MACF1: variants seen among roughly 807,000 people sequenced by gnomAD.
The protein encoded by MACF1 is microtubule-actin cross-linking factor 1.
A neutral mutation model predicts 854.8 loss-of-function variants in MACF1; 193 were observed. The observed-to-expected ratio is 0.23, with a 90% CI of 0.20 to 0.25. The LOEUF (loss-of-function observed/expected upper bound fraction) is 0.25. Ranked by LOEUF, MACF1 falls within the 10% of genes least tolerant of loss-of-function variation. The pLI, the probability that MACF1 is intolerant of heterozygous loss-of-function variation, is 1.00. For synonymous variants in MACF1, 3,185 were observed against 3,226.7 expected (o/e 0.99, Z 0.44); for missense variants, 7,722 against 8,929.1 (o/e 0.86, Z 5.45).
intron 2 of MACF1, 26 bp from the exon 3 acceptor site, chr1:39,249,988 T>C: frequency 7.4e-7 from 1 of 1,358,122 alleles, no homozygotes; most frequent in South Asian, 1.2e-5. Context: ...CAAATAAAAA[T>C]CTGTCTGTTT....
In MACF1 at chr1:39,287,508, T is replaced by C. The variant is rs761344160; in HGVS notation, c.1731T>C (p.Asp577=). The change falls in exon 15 of 101, where the codon GAT becomes GAC. Residue 577 remains aspartate (D), a synonymous_variant. Coordinates refer to ENST00000564288, the MANE Select transcript of MACF1 (RefSeq NM_001394062.1). ...AELVAISSSE[D]EGNLRFVYEL... ...TTGTGGCCATCAGCTCCTCTGAAGA[T>C]GAAGGCAATCTCCGATTTGTGTATG... is the stretch of plus-strand genomic sequence containing the variant. 6.2e-7 allele frequency: 1 copy of C among 1,614,206 alleles called. No homozygotes were observed. Among genetic ancestry groups the C allele is most frequent in the Admixed American group, 1.7e-5 (1 of 60,026 alleles).
At chr1:39,290,719 G>A (rs1645761660) in intron 15 of MACF1, among the ~76,000 whole-genome samples, 2 of 136,916 alleles carry the variant, frequency 1.5e-5, no homozygotes, top group East Asian at 4.6e-4. Flanking sequence ...CCAAACTGGA[G>A]TGCAATGGCA....
chr1:39,465,158 G>A (rs1223796492), intron 95 of MACF1, 46 bp downstream of exon 95: 1 of 1,588,384 alleles, frequency 6.3e-7, no homozygotes, highest in Admixed American at 1.7e-5. Context: ...GATATGGTCT[G>A]TGTAGCTAAT....
intron 84 of MACF1, among the ~76,000 whole-genome samples, chr1:39,450,018 C>A (rs1339742948): frequency 3.3e-5 from 5 of 152,090 alleles, no homozygotes; most frequent in Admixed American, 3.3e-4. Context: ...CACCACCATG[C>A]CCAGCTAATT....
chr1:39,450,614 T>C (rs983506527), intron 84 of MACF1, among the ~76,000 whole-genome samples: 2 of 145,486 alleles, frequency 1.4e-5, no homozygotes, highest in Non-Finnish European at 3.0e-5. Flanking sequence ...CTATTTCTTT[T>C]TTTTTTTTTT....
rs767184149 is a variant in MACF1, at chr1:39,462,028, C to T, written c.21669C>T (p.Ile7223=). ...GACCAACAACCGATGCAGATAAAAT[C>T]GAAGATGAGGTAAGGGAAATAATTA... ...AYRPTTDADK[I]EDEVTRQVAQ... is the part of the protein sequence containing the mutation. Residue 7223 remains isoleucine, a synonymous_variant, in exon 93 of 101, where the codon ATC becomes ATT. Coordinates refer to ENST00000564288, the MANE Select transcript of MACF1 (RefSeq NM_001394062.1). The T allele has an allele frequency of 6.8e-6, 11 of 1,613,076 alleles. No individual in the cohort carries two copies. Among genetic ancestry groups the T allele is most frequent in the African/African-American group, 4.0e-5 (3 of 74,804 alleles).
intron 33 of MACF1, among the ~76,000 whole-genome samples, chr1:39,323,459 T>C (rs1008176213): frequency 6.6e-5 from 10 of 150,574 alleles, no homozygotes. Flanking sequence ...ATTAAATTAT[T>C]ATATAATATA....
chr1:39,132,303 G>C (rs1643023299), intron 2 of MACF1, among the ~76,000 whole-genome samples: 1 of 152,192 alleles, frequency 6.6e-6, no homozygotes, highest in Non-Finnish European at 1.5e-5. Context: ...AAATATTGGG[G>C]TCACCTGTAG....
chr1:39,372,094 C>A (rs1649304718), intron 51 of MACF1, among the ~76,000 whole-genome samples: 1 of 152,156 alleles, frequency 6.6e-6, no homozygotes, highest in Non-Finnish European at 1.5e-5. Flanking sequence ...GCTGGGATTA[C>A]AGGTGTGAAC....
At chr1:39,237,777 C>T (rs1055069748) in intron 2 of MACF1, among the ~76,000 whole-genome samples, 13 of 151,582 alleles carry the variant, frequency 8.6e-5, no homozygotes, top group African/African-American at 2.9e-4. Flanking sequence ...TCCAGGCATC[C>T]GTCATCTTTC....
chr1:39,337,216 A>G lies in MACF1; in HGVS notation c.10100A>G (p.Asp3367Gly), dbSNP rs1208808177. The G allele has an allele frequency of 6.2e-7, 1 of 1,613,928 alleles. No homozygotes were observed. The highest frequency in any genetic ancestry group is 8.5e-7 in the Non-Finnish European group (1 of 1,179,896). Reference protein sequence around the residue: ...VFTRQLCLEHDEKLVSYLSLL... With the variant: ...VFTRQLCLEHGEKLVSYLSLL... ...ACCCGGCAACTCTGTTTAGAACATG[A>G]TGAAAAGCTAGTATCCTATCTGTCT... is the stretch of plus-strand genomic sequence containing the variant. Residue 3367 changes from aspartate (D) to glycine (G), a missense_variant, in exon 38 of 101, where the codon GAT becomes GGT. Physicochemically the swap from Asp to Gly is moderately conservative, Grantham distance 94. Around this residue, in one of 15 missense-constraint regions of MACF1, gnomAD observed 854 missense variants for 852.6 expected, o/e 1.00. Transcript: ENST00000564288.
rs779215870 is a variant in MACF1, at chr1:39,335,680, C to G, written c.9092C>G (p.Thr3031Arg). ...TSSEKGKEAD[T>R]EMGFSITFKI... ...AGTGAAAAAGGGAAAGAAGCTGATA[C>G]AGAAATGGGATTTTCTATTACTTTT... The change falls in exon 37 of 101, where the codon ACA becomes AGA. Residue 3031 changes from threonine to arginine, a missense_variant. Thr to Arg is a moderately conservative substitution (Grantham distance 71). Coordinates refer to ENST00000564288, the MANE Select transcript of MACF1 (RefSeq NM_001394062.1). The G allele has an allele frequency of 6.2e-7, 1 of 1,613,876 alleles. No homozygotes were observed. The highest frequency in any genetic ancestry group is 8.5e-7 in the Non-Finnish European group (1 of 1,179,962).
chr1:39,484,490 T>C, intron 99 of MACF1, 111 bp from the exon 100 acceptor site: 1 of 926,884 alleles, frequency 1.1e-6, no homozygotes, highest in Non-Finnish European at 1.6e-6. Context: ...GGACTTTTAA[T>C]TTGCTTTTCA....
intron 56 of MACF1, among the ~76,000 whole-genome samples, chr1:39,383,596 G>A (rs1054585483): frequency 2.6e-5 from 4 of 152,166 alleles, no homozygotes; most frequent in African/African-American, 9.7e-5. Context: ...GAGTGGCATT[G>A]GCCGGGCACG....
At chr1:39,097,968 G>A (rs1248009625) in intron 2 of MACF1, among the ~76,000 whole-genome samples, 1 of 152,134 alleles carries the variant, frequency 6.6e-6, no homozygotes, top group Non-Finnish European at 1.5e-5. Context: ...TTCAAGTGAA[G>A]AGAAGTTTCA....
chr1:39,452,823 C>T lies in MACF1; in HGVS notation c.20742+11C>T, dbSNP rs1644363740. ...ATTGACACCCATAAGGTAATCCAGC[C>T]TTGGGGTTTGGTGACCTCATGCTAC... On this transcript the variant is annotated intron_variant, in intron 87 of 100. Transcript: ENST00000564288. 6.2e-7 allele frequency: 1 copy of T among 1,612,986 alleles called. No individual in the cohort carries two copies.
chr1:39,297,150 TCTC>T (rs1194187303), intron 20 of MACF1, among the ~76,000 whole-genome samples: 1 of 152,070 alleles, frequency 6.6e-6, no homozygotes, highest in East Asian at 1.9e-4. Context: ...AAGGTCTCGA[TCTC>T]CTGACCTCGT....
chr1:39,456,176 A>G (rs1644435088), intron 89 of MACF1, among the ~76,000 whole-genome samples: 1 of 152,234 alleles, frequency 6.6e-6, no homozygotes, highest in African/African-American at 2.4e-5. Context: ...TCTACTAAAA[A>G]TATAAAAATT....
intron 21 of MACF1, among the ~76,000 whole-genome samples, chr1:39,299,058 G>A (rs568788620): frequency 6.6e-6 from 1 of 152,086 alleles, no homozygotes; most frequent in South Asian, 2.1e-4. Flanking sequence ...TTACCACGCT[G>A]AGCACTTGGT....
Sources: allele counts gnomAD v4.1 joint callset (sites outside exome capture counted in the v4.1 genomes callset), GRCh38; gene constraint gnomAD v4.1.1; regional missense constraint gnomAD v4.1.1; transcripts MANE v1.5; gene names NCBI Gene and HGNC (gene_info 2026-07-23, HGNC 2026-07-21).